PRKN: variants seen among roughly 807,000 people sequenced by gnomAD.
PRKN encodes the protein E3 ubiquitin-protein ligase parkin.
A neutral mutation model predicts 59.5 loss-of-function variants in PRKN; 56 were observed. The ratio of observed to expected loss-of-function variants is 0.94; its 90% CI spans 0.76 to 1.18. The LOEUF (loss-of-function observed/expected upper bound fraction) is 1.18. PRKN is among the 50% of genes most tolerant of loss of function. PRKN has a pLI of 0.00. For missense variants in PRKN, 657 were observed against 596.4 expected (o/e 1.10, Z -1.06); for synonymous variants, 250 against 222.1 (o/e 1.13, Z -1.12).
chr6:161,554,403 T>TACACACACACAC lies in PRKN; in HGVS notation c.934-5412_934-5401dup, dbSNP rs57551959. 2.8e-3 allele frequency among the ~76,000 whole-genome samples: 408 copies of TACACACACACAC among 147,070 alleles called. 1 individual carries two copies. The highest frequency in any genetic ancestry group is 8.2e-3 in the African/African-American group (327 of 39,916). ...TAACCTTCATGTTATCTTACTTCTA[T>TACACACACACAC]ACACACACACACACACACACACACA... On this transcript the variant is annotated intron_variant, in intron 8 of 11. Coordinates refer to ENST00000366898, the MANE Select transcript of PRKN (RefSeq NM_004562.3). The surrounding 1 kb of genome is among the most constrained non-coding windows in gnomAD (Gnocchi z 4.5).
At chr6:161,505,401 G>A (rs1281137263) in intron 9 of PRKN, among the ~76,000 whole-genome samples, 4 of 150,998 alleles carry the variant, frequency 2.6e-5, no homozygotes. Context: ...ATTTGTTTGA[G>A]TTCATTGTAG....
At chr6:162,657,777 T>A (rs1044631005) in intron 1 of PRKN, among the ~76,000 whole-genome samples, 4 of 152,134 alleles carry the variant, frequency 2.6e-5, no homozygotes, top group African/African-American at 9.7e-5. Context: ...ACTGCTGCCA[T>A]TTCAGTATGG....
chr6:162,594,767 T>C (rs933649736), intron 1 of PRKN, among the ~76,000 whole-genome samples: 1 of 152,248 alleles, frequency 6.6e-6, no homozygotes, highest in Non-Finnish European at 1.5e-5. Context: ...CTTCCTGATG[T>C]GACTGAACAT....
chr6:161,902,959 G>T (rs903952563), intron 6 of PRKN, among the ~76,000 whole-genome samples: 2 of 152,176 alleles, frequency 1.3e-5, no homozygotes, highest in Non-Finnish European at 2.9e-5. Flanking sequence ...GTTGTGTGCT[G>T]CAAGATGGGC....
At chr6:162,432,007 T>A (rs1012346984) in intron 2 of PRKN, among the ~76,000 whole-genome samples, 2 of 152,194 alleles carry the variant, frequency 1.3e-5, no homozygotes, top group East Asian at 3.8e-4. Context: ...TCATAACTGA[T>A]TAAGTCTATT....
At chr6:162,040,179 T>C (rs757053330) in intron 5 of PRKN, among the ~76,000 whole-genome samples, 96 of 152,276 alleles carry the variant, frequency 6.3e-4, no homozygotes, top group South Asian at 1.7e-3. Context: ...TCCATTTCCA[T>C]GTGCCTTTCC....
In PRKN at chr6:161,373,060, C is replaced by G. The variant is rs1785505031; in HGVS notation, c.1168-12855G>C. On this transcript the variant is annotated intron_variant, in intron 10 of 11. Coordinates refer to ENST00000366898, the MANE Select transcript of PRKN (RefSeq NM_004562.3). The surrounding 1 kb of genome is among the most constrained non-coding windows in gnomAD (Gnocchi z 4.8). ...TCTTAGCTTCAAGTGATCCTCCCAC[C>G]CTGGCCTCCCAAAGTGTGGGGCTGC... Among the ~76,000 whole-genome samples the G allele has an allele frequency of 6.6e-6, 1 of 152,042 alleles. No individual in the cohort carries two copies. Among genetic ancestry groups the G allele is most frequent in the Non-Finnish European group, 1.5e-5 (1 of 68,014 alleles).
At chr6:162,456,826 C>G (rs1202731175) in intron 1 of PRKN, among the ~76,000 whole-genome samples, 2 of 152,134 alleles carry the variant, frequency 1.3e-5, no homozygotes, top group Non-Finnish European at 2.9e-5. Flanking sequence ...ATCACTATAA[C>G]TAATGCCTTA....
At chr6:161,678,216 CTTTTTTTTTTTT>C (rs3066554) in intron 7 of PRKN, among the ~76,000 whole-genome samples, 8 of 64,948 alleles carry the variant, frequency 1.2e-4, no homozygotes, top group African/African-American at 3.2e-4. Context: ...TACTGAATCA[CTTTTTTTTTTTT>C]TTTTTTTTTT....
chr6:162,502,817 T>C (rs1240168447), intron 1 of PRKN, among the ~76,000 whole-genome samples: 3 of 152,182 alleles, frequency 2.0e-5, no homozygotes, highest in East Asian at 3.9e-4. Context: ...CTAAATGATA[T>C]TTCAATTTTA....
chr6:161,799,459 C>T (rs1790990646), intron 6 of PRKN, among the ~76,000 whole-genome samples: 1 of 152,184 alleles, frequency 6.6e-6, no homozygotes, highest in Admixed American at 6.5e-5. Context: ...CCCCATCTGC[C>T]AGAGTTAGGC....
intron 7 of PRKN, among the ~76,000 whole-genome samples, chr6:161,655,553 T>TG (rs1280819972): frequency 5.3e-5 from 8 of 152,358 alleles, no homozygotes; most frequent in African/African-American, 1.9e-4. Flanking sequence ...GAGACCCCTC[T>TG]GCAGACAGTC....
Position 162,324,785 on chromosome 6 carries a change from T to C in PRKN, c.172-62020A>G, listed in dbSNP as rs544092960. The stretch of plus-strand genomic sequence containing the variant: ...CTATGTGTAAGTGTATATGTGTACA[T>C]GTATATGTACTGGAATGTGTATCGG... On this transcript the variant is annotated intron_variant, in intron 2 of 11. Transcript: ENST00000366898. Among the ~76,000 whole-genome samples, 11 of 152,262 alleles carry C rather than the reference T, an allele frequency of 7.2e-5. No individual in the cohort carries two copies. The East Asian group carries it at 1.9e-3, about 27-fold the overall frequency.
At position 161,355,981 on chromosome 6, in the gene PRKN, G is replaced by A. The variant is rs1784731737; in HGVS notation, c.1285+4107C>T. 1.3e-5 allele frequency among the ~76,000 whole-genome samples: 2 copies of A among 152,200 alleles called. No individual in the cohort carries two copies. Among genetic ancestry groups the A allele is most frequent in the African/African-American group, 2.4e-5 (1 of 41,452 alleles). On this transcript the variant is annotated intron_variant, in intron 11 of 11. Coordinates refer to ENST00000366898, the MANE Select transcript of PRKN (RefSeq NM_004562.3). This position sits in a 1 kb window ranked among gnomAD's most constrained non-coding sequence, Gnocchi z 6.8. ...ACTGGGCAGAGGAGAAGCCCAGCTC[G>A]GGCACAGCCTAAGAGGCCTGAGCTG... is the stretch of plus-strand genomic sequence containing the variant.
intron 4 of PRKN, among the ~76,000 whole-genome samples, chr6:162,079,890 T>A (rs745456206): frequency 6.6e-6 from 1 of 152,136 alleles, no homozygotes; most frequent in Non-Finnish European, 1.5e-5. Context: ...GCATTTAGGT[T>A]ATGTTTATTG....
Position 162,443,488 on chromosome 6 carries a change from T to C in PRKN, c.8-15A>G, listed in dbSNP as rs1438271846. On this transcript the variant is annotated splice_polypyrimidine_tract_variant and intron_variant, in intron 1 of 11. Transcript: ENST00000366898. ...CCTGACAAACACTGACCAAGGAAAT[T>C]GGAAGGGAGAAGAGAAAGTGAGCAT... is the stretch of plus-strand genomic sequence containing the variant. The C allele has an allele frequency of 1.2e-6, 2 of 1,613,474 alleles. No homozygotes were observed. The highest frequency in any genetic ancestry group is 1.7e-6 in the Non-Finnish European group (2 of 1,179,552).
chr6:161,900,592 T>C (rs1273113642), intron 6 of PRKN, among the ~76,000 whole-genome samples: 1 of 94,514 alleles, frequency 1.1e-5, no homozygotes, highest in Non-Finnish European at 2.1e-5. Flanking sequence ...TATATATTAA[T>C]ATATTATATA....
At chr6:161,932,648 TA>T (rs746080247) in intron 6 of PRKN, among the ~76,000 whole-genome samples, 30 of 152,292 alleles carry the variant, frequency 2.0e-4, no homozygotes, top group Admixed American at 2.6e-4. Context: ...TGTGTAGCTA[TA>T]AAAAAATTAT....
At chr6:161,748,619 C>T (rs1226175435) in intron 7 of PRKN, among the ~76,000 whole-genome samples, 1 of 152,066 alleles carries the variant, frequency 6.6e-6, no homozygotes, top group Non-Finnish European at 1.5e-5. Flanking sequence ...CATCTTGGTC[C>T]AGGCAAGGGG....
Sources: allele counts gnomAD v4.1 joint callset (sites outside exome capture counted in the v4.1 genomes callset), GRCh38; gene constraint gnomAD v4.1.1; non-coding constraint Gnocchi (gnomAD v3.1); transcripts MANE v1.5; gene names NCBI Gene and HGNC (gene_info 2026-07-23, HGNC 2026-07-21).